Variants in DTWD2 observed in about 807,000 individuals in gnomAD.
DTWD2 encodes the protein tRNA-uridine aminocarboxypropyltransferase 2.
A neutral mutation model predicts 31.8 loss-of-function variants in DTWD2; 39 were observed. The observed-to-expected ratio is 1.22, with a 90% confidence interval of 0.95 to 1.60. The LOEUF (loss-of-function observed/expected upper bound fraction) is 1.60. Ranked by LOEUF, DTWD2 falls within the 40% of genes most tolerant of loss-of-function variation. DTWD2 has a pLI of 0.00. For missense variants in DTWD2, 515 were observed against 381.5 expected (o/e 1.35, Z -2.92); for synonymous variants, 180 against 142.8 (o/e 1.26, Z -1.86).
At chr5:118,988,239 C>G (rs1755475596) in intron 1 of DTWD2, 55 bp downstream of exon 1, 2 of 1,531,176 alleles carry the variant, frequency 1.3e-6, no homozygotes, top group African/African-American at 2.7e-5. Flanking sequence ...GGGCGCCGCA[C>G]CCTCCTCCGA....
At chr5:118,918,392 T>G (rs1000286900) in intron 4 of DTWD2, among the ~76,000 whole-genome samples, 1 of 151,078 alleles carries the variant, frequency 6.6e-6, no homozygotes, top group African/African-American at 2.4e-5. Flanking sequence ...AGTGGCACGA[T>G]CTCGGCTCAT....
chr5:118,860,795 A>G (rs1285796384), intron 4 of DTWD2, among the ~76,000 whole-genome samples: 1 of 152,162 alleles, frequency 6.6e-6, no homozygotes, highest in Admixed American at 6.5e-5. Flanking sequence ...CTAAGGGCTC[A>G]TTTAAACTTA....
rs1751993601 is a variant in DTWD2, at chr5:118,851,190, G to GC, written c.598-2973dup. Among the ~76,000 whole-genome samples the GC allele has an allele frequency of 4.4e-5, 6 of 137,856 alleles. No individual in the cohort carries two copies. The South Asian group carries it at 1.4e-3, about 32-fold the overall frequency. The allele number at this position is 137,856 out of a possible 152,430, so 90.4% of individuals were successfully genotyped here. A position where few individuals can be genotyped will look rare whatever the true frequency, so the allele number is the denominator to read the frequency against. On this transcript the variant is annotated intron_variant, in intron 4 of 5. Transcript: ENST00000510708. ...GCCAAGATCATGCCACTGCACTCCA[G>GC]CCTGGGCAAAAGAGTGAGACCCTAT...
intron 5 of DTWD2, among the ~76,000 whole-genome samples, chr5:118,841,972 G>A (rs1013465793): frequency 7.2e-5 from 11 of 152,218 alleles, no homozygotes; most frequent in East Asian, 1.9e-4. Flanking sequence ...CAATGTCTAC[G>A]TGAAAATGTA....
At chr5:118,887,965 C>T (rs1752902594) in intron 4 of DTWD2, among the ~76,000 whole-genome samples, 2 of 152,148 alleles carry the variant, frequency 1.3e-5, no homozygotes, top group South Asian at 4.1e-4. Flanking sequence ...TAATGCAACC[C>T]TTACTCACTG....
chr5:118,850,092 A>G (rs1226308493), intron 4 of DTWD2, among the ~76,000 whole-genome samples: 2 of 152,032 alleles, frequency 1.3e-5, no homozygotes, highest in African/African-American at 4.8e-5. Context: ...TCCCTAGTCA[A>G]TAAATGGTGC....
chr5:118,865,626 A>G (rs551725648), intron 4 of DTWD2, among the ~76,000 whole-genome samples: 1 of 152,332 alleles, frequency 6.6e-6, no homozygotes, highest in South Asian at 2.1e-4. Flanking sequence ...GAAAGACAAG[A>G]GTAGATGAAT....
At chr5:118,954,669 C>T (rs1754546050) in intron 1 of DTWD2, among the ~76,000 whole-genome samples, 1 of 152,120 alleles carries the variant, frequency 6.6e-6, no homozygotes, top group African/African-American at 2.4e-5. Flanking sequence ...TGCACCACCA[C>T]ATCTGGCTAA....
chr5:118,850,477 CAAAAAA>C (rs34808087), intron 4 of DTWD2, among the ~76,000 whole-genome samples: 98 of 30,456 alleles, frequency 3.2e-3, no homozygotes, highest in African/African-American at 8.4e-3. Context: ...GACCCCACCA[CAAAAAA>C]AAAAAAAAAA....
At chr5:118,957,771 T>G (rs1007106907) in intron 1 of DTWD2, among the ~76,000 whole-genome samples, 1 of 152,182 alleles carries the variant, frequency 6.6e-6, no homozygotes, top group African/African-American at 2.4e-5. Context: ...AATTGTGGAC[T>G]TGCATCTTAC....
At chr5:118,904,015 A>G (rs770146462) in intron 4 of DTWD2, among the ~76,000 whole-genome samples, 6 of 152,084 alleles carry the variant, frequency 3.9e-5, no homozygotes, top group Non-Finnish European at 8.8e-5. Context: ...AATGTACACT[A>G]TAGTGTCTGT....
At chr5:118,915,566 G>C (rs1753556218) in intron 4 of DTWD2, among the ~76,000 whole-genome samples, 1 of 151,990 alleles carries the variant, frequency 6.6e-6, no homozygotes, top group South Asian at 2.1e-4. Flanking sequence ...AGTAGAGATG[G>C]GGTTTCACCA....
intron 1 of DTWD2, among the ~76,000 whole-genome samples, chr5:118,987,101 C>A (rs1755445026): frequency 6.6e-6 from 1 of 152,012 alleles, no homozygotes; most frequent in Non-Finnish European, 1.5e-5. Flanking sequence ...AGTAATTTAG[C>A]CTTTGATTTA....
At chr5:118,856,948 T>G (rs1216314559) in intron 4 of DTWD2, among the ~76,000 whole-genome samples, 2 of 151,804 alleles carry the variant, frequency 1.3e-5, no homozygotes, top group Non-Finnish European at 2.9e-5. Flanking sequence ...AATTTTTTTT[T>G]GTATTTTTAG....
chr5:118,929,897 A>G (rs2149579453), intron 3 of DTWD2, among the ~76,000 whole-genome samples: 1 of 152,312 alleles, frequency 6.6e-6, no homozygotes, highest in East Asian at 1.9e-4. Context: ...TTCTCTATGA[A>G]GGCTGCTATC....
intron 4 of DTWD2, among the ~76,000 whole-genome samples, chr5:118,905,401 A>T (rs893624543): frequency 6.6e-6 from 1 of 152,120 alleles, no homozygotes; most frequent in Admixed American, 6.6e-5. Flanking sequence ...AGCGTATAAC[A>T]TTCTGAGTAA....
intron 4 of DTWD2, among the ~76,000 whole-genome samples, chr5:118,850,415 T>C (rs757000528): frequency 7.4e-5 from 9 of 121,424 alleles, no homozygotes; most frequent in Admixed American, 1.1e-4. Flanking sequence ...GAGGCAGAGG[T>C]TGCAGTGAGT....
chr5:118,956,714 AAAC>A (rs1318228143), intron 1 of DTWD2, among the ~76,000 whole-genome samples: 1 of 152,196 alleles, frequency 6.6e-6, no homozygotes, highest in African/African-American at 2.4e-5. Context: ...AAAGAGTACT[AAAC>A]AAAAGCAAAT....
At chr5:118,848,527 T>C (rs539324559) in intron 4 of DTWD2, among the ~76,000 whole-genome samples, 10 of 152,222 alleles carry the variant, frequency 6.6e-5, no homozygotes, top group African/African-American at 2.4e-4. Context: ...CACAAAAAAG[T>C]GTTCAACATG....
Sources: gnomAD v4.1 joint callset for allele counts (sites outside exome capture counted in the v4.1 genomes callset) on GRCh38, gnomAD v4.1.1 for gene constraint, MANE v1.5 for transcripts, NCBI Gene and HGNC (gene_info 2026-07-23, HGNC 2026-07-21) for gene names.